The following RBFOX1 variants were observed in gnomAD, a reference collection of about 807,000 sequenced individuals.
The protein encoded by RBFOX1 is RNA binding protein fox-1 homolog 1.
RBFOX1 carries 8 observed loss-of-function variants against 57.7 expected under a neutral mutation model. The observed-to-expected ratio is 0.14, with a 90% CI of 0.08 to 0.25. The LOEUF (loss-of-function observed/expected upper bound fraction) is 0.25. RBFOX1 is among the 10% of genes least tolerant of loss of function. The pLI is 1.00. For missense variants in RBFOX1, 611 were observed against 548.5 expected (o/e 1.11, Z -1.14); for synonymous variants, 326 against 222.4 (o/e 1.47, Z -4.15).
At chr16:5,342,893 T>C (rs959096525) in intron 1 of RBFOX1, among the ~76,000 whole-genome samples, 6 of 151,852 alleles carry the variant, frequency 4.0e-5, no homozygotes, top group African/African-American at 1.2e-4. Flanking sequence ...TTGTGGGGTA[T>C]AGGGAGATTA....
At chr16:7,262,237 G>A (rs190019357) in intron 4 of RBFOX1, among the ~76,000 whole-genome samples, 1 of 152,090 alleles carries the variant, frequency 6.6e-6, no homozygotes, top group African/African-American at 2.4e-5. Flanking sequence ...TTTCATGCAT[G>A]CATAGCCTGC....
chr16:7,447,702 C>T (rs1396193664), intron 4 of RBFOX1, among the ~76,000 whole-genome samples: 1 of 151,738 alleles, frequency 6.6e-6, no homozygotes, highest in Non-Finnish European at 1.5e-5. Context: ...TTGGCCTAGT[C>T]TCTCACTATC....
At chr16:6,842,970 G>A (rs1163184029) in intron 3 of RBFOX1, among the ~76,000 whole-genome samples, 1 of 151,954 alleles carries the variant, frequency 6.6e-6, no homozygotes, top group Non-Finnish European at 1.5e-5. Context: ...TGGTTTCCAG[G>A]TTCATCCATG....
chr16:5,669,715 G>A (rs1223956265), intron 3 of RBFOX1, among the ~76,000 whole-genome samples: 1 of 152,158 alleles, frequency 6.6e-6, no homozygotes. Context: ...ACCACGCCGG[G>A]CCCAAGATGG....
intron 3 of RBFOX1, among the ~76,000 whole-genome samples, chr16:6,988,972 A>T (rs2090930082): frequency 6.6e-6 from 1 of 151,990 alleles, no homozygotes; most frequent in Non-Finnish European, 1.5e-5. Context: ...CATGTTGGCT[A>T]GGCTGCTCTT....
intron 1 of RBFOX1, among the ~76,000 whole-genome samples, chr16:6,215,366 A>G (rs1422558069): frequency 1.5e-5 from 2 of 136,924 alleles, no homozygotes; most frequent in African/African-American, 2.8e-5. Flanking sequence ...CAGGGAGAGA[A>G]GGAGAAGGGG....
chr16:6,273,051 G>A (rs1025215056), intron 1 of RBFOX1, among the ~76,000 whole-genome samples: 1 of 152,034 alleles, frequency 6.6e-6, no homozygotes, highest in Admixed American at 6.5e-5. Context: ...CCCGAGGTCA[G>A]GAGTTCAAGA....
At chr16:5,281,180 C>T (rs1003091052) in intron 1 of RBFOX1, among the ~76,000 whole-genome samples, 1 of 152,106 alleles carries the variant, frequency 6.6e-6, no homozygotes, top group Non-Finnish European at 1.5e-5. Context: ...TTAATTTCTT[C>T]ATTGATGCAA....
At chr16:5,395,428 G>A (rs771258246) in intron 1 of RBFOX1, among the ~76,000 whole-genome samples, 2 of 149,906 alleles carry the variant, frequency 1.3e-5, no homozygotes, top group South Asian at 2.1e-4. Flanking sequence ...ACGCAGTTGC[G>A]GGTGAGGTCA....
intron 4 of RBFOX1, among the ~76,000 whole-genome samples, chr16:7,189,405 G>A (rs181809032): frequency 0.053 from 6,514 of 123,456 alleles, 533 homozygotes; most frequent in African/African-American, 0.19. Flanking sequence ...CAGCCTGGGC[G>A]ACAGAGCGAG....
intron 3 of RBFOX1, among the ~76,000 whole-genome samples, chr16:5,729,185 G>C (rs2052265935): frequency 6.6e-6 from 1 of 152,166 alleles, no homozygotes; most frequent in Admixed American, 6.5e-5. Flanking sequence ...CTTTGGGCGA[G>C]GGGCTTAGAC....
chr16:6,953,184 A>G (rs1203742557), intron 3 of RBFOX1, among the ~76,000 whole-genome samples: 2 of 152,002 alleles, frequency 1.3e-5, no homozygotes, highest in African/African-American at 4.8e-5. Flanking sequence ...ATTCCCTTAT[A>G]TTTTGCTAAG....
At chr16:5,352,661 C>T (rs934866580) in intron 1 of RBFOX1, among the ~76,000 whole-genome samples, 9 of 152,118 alleles carry the variant, frequency 5.9e-5, no homozygotes, top group South Asian at 2.1e-4. Flanking sequence ...AAATACTCTT[C>T]GGTGGTCACG....
intron 4 of RBFOX1, among the ~76,000 whole-genome samples, chr16:6,012,738 C>G (rs1449765242): frequency 6.6e-6 from 1 of 152,174 alleles, no homozygotes; most frequent in Non-Finnish European, 1.5e-5. Flanking sequence ...GTCCTTTATT[C>G]TTCCCTGCCC....
chr16:5,440,474 G>C (rs1041837058), intron 1 of RBFOX1, among the ~76,000 whole-genome samples: 2 of 152,210 alleles, frequency 1.3e-5, no homozygotes, highest in Non-Finnish European at 2.9e-5. Context: ...AAGGACTAAA[G>C]TCTCTAGGAC....
At chr16:5,800,422 G>A (rs149969426) in intron 3 of RBFOX1, among the ~76,000 whole-genome samples, 56 of 152,254 alleles carry the variant, frequency 3.7e-4, no homozygotes, top group Non-Finnish European at 6.6e-4. Context: ...GTGAAGGGAG[G>A]GGCAGGTTGT....
chr16:6,088,295 A>G lies in RBFOX1; in HGVS notation c.-127+68303A>G, dbSNP rs80355298. ...ATGAACAATATGGAACATGTTGTCAATAAGGGTATTTTCACAGATGCGTTT... is the reference window on the plus strand; with the variant it reads ...ATGAACAATATGGAACATGTTGTCAGTAAGGGTATTTTCACAGATGCGTTT... On this transcript the variant is annotated intron_variant, in intron 1 of 15. Transcript: ENST00000550418. 5.3e-3 allele frequency among the ~76,000 whole-genome samples: 808 copies of G among 152,144 alleles called. 3 individuals are homozygous for G. The highest frequency in any genetic ancestry group is 9.7e-3 in the Non-Finnish European group (661 of 68,006).
At chr16:6,880,771 T>C (rs1024578965) in intron 3 of RBFOX1, among the ~76,000 whole-genome samples, 16 of 151,738 alleles carry the variant, frequency 1.1e-4, no homozygotes, top group African/African-American at 3.7e-4. Context: ...TTAAAATTAT[T>C]GTTATATTTT....
chr16:7,449,631 G>T (rs1232977442), intron 4 of RBFOX1, among the ~76,000 whole-genome samples: 5 of 149,382 alleles, frequency 3.3e-5, no homozygotes, highest in Non-Finnish European at 7.4e-5. Context: ...CATCCCCAGT[G>T]CCTGAAACCA....
Sources: gnomAD v4.1 joint callset for allele counts (sites outside exome capture counted in the v4.1 genomes callset) on GRCh38, gnomAD v4.1.1 for gene constraint, MANE v1.5 for transcripts, NCBI Gene and HGNC (gene_info 2026-07-23, HGNC 2026-07-21) for gene names.